Variants in DGKB observed in about 807,000 individuals in gnomAD.
DGKB encodes 90 kDa diacylglycerol kinase.
In DGKB, 67 loss-of-function variants were observed where a neutral mutation model predicts 114.3. The ratio of observed to expected loss-of-function variants is 0.59; its 90% CI spans 0.48 to 0.72. The LOEUF (loss-of-function observed/expected upper bound fraction) is 0.72, where lower values mean the gene tolerates loss of function less well. Ranked by LOEUF, DGKB falls within the 30% of genes least tolerant of loss-of-function variation. The pLI, the probability that DGKB is intolerant of heterozygous loss-of-function variation, is 0.00. For missense variants in DGKB, 907 were observed against 975.2 expected (o/e 0.93, Z 0.93); for synonymous variants, 398 against 323.1 (o/e 1.23, Z -2.49).
At chr7:14,468,246 T>G (rs1216425456) in intron 21 of DGKB, among the ~76,000 whole-genome samples, 1 of 152,080 alleles carries the variant, frequency 6.6e-6, no homozygotes, top group Non-Finnish European at 1.5e-5. Context: ...TCATTGATAT[T>G]GGTTAACGTC....
intron 2 of DGKB, among the ~76,000 whole-genome samples, chr7:14,766,961 G>C (rs1438767643): frequency 6.6e-6 from 1 of 151,502 alleles, no homozygotes; most frequent in African/African-American, 2.4e-5. Flanking sequence ...TTCAAGGGCT[G>C]TTTCAATTCA....
At chr7:14,942,137 C>T (rs1404637658) in intron 1 of DGKB, among the ~76,000 whole-genome samples, 2 of 151,568 alleles carry the variant, frequency 1.3e-5, no homozygotes, top group Non-Finnish European at 2.9e-5. Context: ...TTAGATTAGG[C>T]AAAACAATTT....
chr7:14,817,672 T>A (rs573061563), intron 2 of DGKB, among the ~76,000 whole-genome samples: 6 of 152,284 alleles, frequency 3.9e-5, no homozygotes, highest in Admixed American at 3.9e-4. Context: ...TAACATACAT[T>A]TTTCCTTCTT....
chr7:14,823,129 TA>T (rs1292530243), intron 2 of DGKB, among the ~76,000 whole-genome samples: 7 of 151,820 alleles, frequency 4.6e-5, no homozygotes, highest in African/African-American at 9.6e-5. Context: ...AAAATTAAGT[TA>T]AAAAAACTAT....
intron 23 of DGKB, among the ~76,000 whole-genome samples, chr7:14,218,761 C>G (rs1431016779): frequency 6.6e-6 from 1 of 151,876 alleles, no homozygotes; most frequent in Non-Finnish European, 1.5e-5. Context: ...GAAATGTAAT[C>G]CACATATCAT....
At chr7:14,843,760 G>C (rs577099511) in intron 1 of DGKB, among the ~76,000 whole-genome samples, 1 of 152,330 alleles carries the variant, frequency 6.6e-6, no homozygotes, top group East Asian at 1.9e-4. Flanking sequence ...GAGCCTTGCT[G>C]TCTGCCAGAA....
At chr7:14,556,370 G>A (rs928708851) in intron 20 of DGKB, among the ~76,000 whole-genome samples, 2 of 151,900 alleles carry the variant, frequency 1.3e-5, no homozygotes, top group African/African-American at 4.8e-5. Context: ...TTCATTTCTA[G>A]TTGATGAATA....
At chr7:14,559,225 C>A (rs1206954334) in intron 20 of DGKB, among the ~76,000 whole-genome samples, 2 of 152,126 alleles carry the variant, frequency 1.3e-5, no homozygotes, top group African/African-American at 4.8e-5. Context: ...GCTAGAATAA[C>A]CTATAAAATC....
chr7:14,384,895 A>G (rs566499202), intron 21 of DGKB, among the ~76,000 whole-genome samples: 2 of 152,338 alleles, frequency 1.3e-5, no homozygotes, highest in African/African-American at 4.8e-5. Context: ...TATCTGGCAC[A>G]AAAGTCACTA....
At chr7:14,193,244 G>A (rs1453597928) in intron 23 of DGKB, among the ~76,000 whole-genome samples, 1 of 150,350 alleles carries the variant, frequency 6.7e-6, no homozygotes, top group African/African-American at 2.4e-5. Context: ...AAGACATACT[G>A]AGCAAAAAGA....
chr7:14,504,729 G>T (rs752873475), intron 20 of DGKB, among the ~76,000 whole-genome samples: 1 of 151,990 alleles, frequency 6.6e-6, no homozygotes, highest in South Asian at 2.1e-4. Flanking sequence ...TAAAAAGAAG[G>T]TATGATTTGC....
chr7:14,488,832 C>CA lies in DGKB; in HGVS notation c.1771-10608dup, dbSNP rs1255877064. 2.9e-3 allele frequency among the ~76,000 whole-genome samples: 219 copies of CA among 76,364 alleles called. 1 individual carries two copies. The highest frequency in any genetic ancestry group is 8.9e-3 in the African/African-American group (146 of 16,326). 50.1% of individuals were successfully genotyped at this position (76,364 alleles called of 152,430 possible). ...GGGTGACAGAGCAAGACTCCGTCTC[C>CA]AAAAAAAAACAAAAAAAAACAAAAA... On this transcript the variant is annotated intron_variant, in intron 20 of 25. Transcript: ENST00000402815.
chr7:14,393,317 A>G (rs1471583265), intron 21 of DGKB, among the ~76,000 whole-genome samples: 1 of 152,062 alleles, frequency 6.6e-6, no homozygotes, highest in Non-Finnish European at 1.5e-5. Flanking sequence ...CAGCTTGTGT[A>G]TGTGTAACTG....
rs955169699 is a variant in DGKB, at chr7:14,812,419, A to G, written c.70+28775T>C. 6.6e-5 allele frequency among the ~76,000 whole-genome samples: 10 copies of G among 152,000 alleles called. No individual in the cohort carries two copies. In the South Asian group the frequency reaches 1.4e-3, roughly 22 times the overall value. On this transcript the variant is annotated intron_variant, in intron 2 of 25. Coordinates refer to ENST00000402815, the MANE Select transcript of DGKB (RefSeq NM_001350709.2). ...TTTGTGTGTGTGTGTGTGTCTTGAT[A>G]GTATTTATAGTCCTTCTTCCTAATA...
intron 2 of DGKB, among the ~76,000 whole-genome samples, chr7:14,790,717 A>T (rs1404241258): frequency 6.6e-6 from 1 of 152,222 alleles, no homozygotes; most frequent in East Asian, 1.9e-4. Context: ...GTATATAGTA[A>T]GGTCTTAAAA....
chr7:14,284,305 A>T (rs2128460709), intron 23 of DGKB, among the ~76,000 whole-genome samples: 1 of 145,052 alleles, frequency 6.9e-6, no homozygotes, highest in East Asian at 2.0e-4. Flanking sequence ...TCAAAACCAC[A>T]ATGAGATACC....
At chr7:14,490,349 G>A (rs1247039477) in intron 20 of DGKB, among the ~76,000 whole-genome samples, 9 of 152,074 alleles carry the variant, frequency 5.9e-5, no homozygotes, top group African/African-American at 2.2e-4. Context: ...CTTTATACCT[G>A]AAAGACAATT....
intron 2 of DGKB, chr7:14,814,278 G>A (rs1843802253): frequency 2.0e-5 from 3 of 152,026 alleles, no homozygotes; most frequent in South Asian, 2.1e-4. Flanking sequence ...CATTGGCTAC[G>A]ACCATTACAA....
intron 23 of DGKB, among the ~76,000 whole-genome samples, chr7:14,310,113 T>G (rs1250871954): frequency 3.3e-5 from 5 of 152,156 alleles, no homozygotes; most frequent in African/African-American, 1.2e-4. Flanking sequence ...CTCAGTGTAT[T>G]GAGCATGCCT....
Sources: allele counts gnomAD v4.1 joint callset (sites outside exome capture counted in the v4.1 genomes callset), GRCh38; gene constraint gnomAD v4.1.1; transcripts MANE v1.5; gene names NCBI Gene and HGNC (gene_info 2026-07-23, HGNC 2026-07-21).